Variants in IMMT observed in about 807,000 individuals in gnomAD.
IMMT encodes the protein inner membrane mitochondrial protein.
In IMMT, 40 loss-of-function variants were observed where a neutral mutation model predicts 92.7. The observed-to-expected ratio is 0.43, with a 90% CI of 0.34 to 0.56. The LOEUF is 0.56. Among genes scored for constraint, IMMT ranks in the 20% least tolerant of loss-of-function variants. The pLI is 0.03. For missense variants in IMMT, 831 were observed against 912.1 expected (o/e 0.91, Z 1.14); for synonymous variants, 322 against 336.1 (o/e 0.96, Z 0.46).
intron 7 of IMMT, among the ~76,000 whole-genome samples, chr2:86,162,867 T>C (rs1049280646): frequency 6.6e-6 from 1 of 152,044 alleles, no homozygotes; most frequent in African/African-American, 2.4e-5. Flanking sequence ...CTTGAAAATC[T>C]TAGGCAGATC....
chr2:86,162,377 C>A (rs1676355280), intron 7 of IMMT, among the ~76,000 whole-genome samples: 1 of 141,442 alleles, frequency 7.1e-6, no homozygotes, highest in Admixed American at 7.0e-5. Flanking sequence ...AAAGGATGTA[C>A]AAACCAAAAT....
chr2:86,179,493 G>C lies in IMMT; in HGVS notation c.249C>G (p.Asp83Glu). 6.2e-7 allele frequency: 1 copy of C among 1,613,322 alleles called. No homozygotes were observed. The highest frequency in any genetic ancestry group is 1.1e-5 in the South Asian group (1 of 90,936). Residue 83 changes from aspartate (D) to glutamate (E), a missense_variant, in exon 3 of 15, where the codon GAC (aspartate) becomes GAG (glutamate). Transcript: ENST00000410111. The stretch of plus-strand genomic sequence containing the variant: ...GACCAAGAACCATCTCGAAGAGTTT[G>C]TCTGAGTAAGGTATGGTTTTCTCTA... ...ESVEKTIPYSDKLFEMVLGPA... is the reference protein window; with the variant it reads ...ESVEKTIPYSEKLFEMVLGPA...
At chr2:86,153,480 T>C in intron 11 of IMMT, 80 bp downstream of exon 11, 1 of 717,930 alleles carries the variant, frequency 1.4e-6, no homozygotes, top group South Asian at 2.2e-5. Flanking sequence ...TGTGTAAGAA[T>C]CATAGGCACA....
chr2:86,148,489 G>A (rs1466865464), intron 12 of IMMT, among the ~76,000 whole-genome samples: 3 of 152,230 alleles, frequency 2.0e-5, no homozygotes, highest in Non-Finnish European at 2.9e-5. Flanking sequence ...GCGGGTGCCT[G>A]TAGTCCCAGC....
intron 7 of IMMT, 43 bp downstream of exon 7, chr2:86,166,465 A>G: frequency 1.9e-6 from 3 of 1,555,130 alleles, no homozygotes; most frequent in Non-Finnish European, 2.6e-6. Flanking sequence ...TTGTCCTCCA[A>G]GTCATGACAG....
chr2:86,163,959 C>CAA (rs70953998), intron 7 of IMMT, among the ~76,000 whole-genome samples: 1 of 91,930 alleles, frequency 1.1e-5, no homozygotes, highest in Non-Finnish European at 2.3e-5. Flanking sequence ...ACTCCATCTC[C>CAA]AAAAAAAAAG....
Position 86,144,092 on chromosome 2 carries a change from CACTG to C in IMMT, c.*172_*175del. ...TTGCAAAGAAAGCACTCCTGGCGTT[CACTG>C]ACATGATAGCAAATGGAAAGAATAT... is the stretch of plus-strand genomic sequence containing the variant. On this transcript the variant is annotated 3_prime_UTR_variant, in exon 15 of 15. Coordinates refer to ENST00000410111, the MANE Select transcript of IMMT (RefSeq NM_006839.3). 4 of 713,788 alleles carry C rather than the reference CACTG, an allele frequency of 5.6e-6. No homozygotes were observed. In the South Asian group the frequency reaches 7.8e-5, roughly 14 times the overall value. 44.2% of individuals were successfully genotyped at this position (713,788 alleles called of 1,614,324 possible). A position where few individuals can be genotyped will look rare whatever the true frequency, so the allele number is the denominator to read the frequency against.
At chr2:86,174,350 T>C (rs1315808049) in intron 3 of IMMT, among the ~76,000 whole-genome samples, 1 of 152,234 alleles carries the variant, frequency 6.6e-6, no homozygotes, top group Non-Finnish European at 1.5e-5. Context: ...TTTATTTTTA[T>C]TTCCACTTAT....
intron 3 of IMMT, among the ~76,000 whole-genome samples, chr2:86,174,445 C>T (rs1027064447): frequency 9.2e-5 from 14 of 152,212 alleles, no homozygotes; most frequent in African/African-American, 9.7e-5. Flanking sequence ...TGGTTCTGAA[C>T]TTAGTCACTA....
chr2:86,148,730 CA>C (rs1008044298), intron 12 of IMMT, among the ~76,000 whole-genome samples: 8 of 151,218 alleles, frequency 5.3e-5, no homozygotes, highest in Admixed American at 3.3e-4. Flanking sequence ...CAACATGGGC[CA>C]AAAAAAACCA....
In IMMT at chr2:86,195,372, G is replaced by A. The variant is rs544313627; in HGVS notation, c.11C>T (p.Ala4Val). The A allele has an allele frequency of 8.8e-5, 136 of 1,549,504 alleles. No individual in the cohort carries two copies. The highest frequency in any genetic ancestry group is 2.4e-4 in the Admixed American group (12 of 51,052). Residue 4 changes from alanine to valine, a missense_variant, in exon 1 of 15, where the codon GCC (alanine) becomes GTC (valine). Ala to Val is a moderately conservative substitution (Grantham distance 64, BLOSUM62 0). Transcript: ENST00000410111. MLR[A>V]CQLSGVTAAA... ...GGCGGTCACACCCGATAACTGACAG[G>A]CCCGCAGCATCTCGGTCAAGCGGAC...
chr2:86,174,909 A>G (rs933310992), intron 3 of IMMT, among the ~76,000 whole-genome samples: 4 of 152,208 alleles, frequency 2.6e-5, no homozygotes, highest in Non-Finnish European at 1.5e-5. Flanking sequence ...CAAAGCAATG[A>G]ACATCCATCC....
chr2:86,144,234 A>G lies in IMMT; in HGVS notation c.*34T>C, dbSNP rs776319715. Reference sequence around the variant, plus strand: ...TCTATCACTGCTGATTTCCTTTGACATGAAATATGACTTTATGAAAATCTT... The same window carrying G: ...TCTATCACTGCTGATTTCCTTTGACGTGAAATATGACTTTATGAAAATCTT... On this transcript the variant is annotated 3_prime_UTR_variant, in exon 15 of 15. Transcript: ENST00000410111. 7 of 1,607,448 alleles carry G rather than the reference A, an allele frequency of 4.4e-6. No homozygotes were observed. The highest frequency in any genetic ancestry group is 3.3e-5 in the South Asian group (3 of 90,682).
intron 12 of IMMT, among the ~76,000 whole-genome samples, chr2:86,148,577 A>G (rs561397463): frequency 1.3e-5 from 2 of 152,314 alleles, no homozygotes; most frequent in Non-Finnish European, 1.5e-5. Context: ...GCGCTGCTGC[A>G]CTCCAGCCTG....
At chr2:86,188,391 GCA>G (rs1421972912) in intron 1 of IMMT, among the ~76,000 whole-genome samples, 1 of 151,246 alleles carries the variant, frequency 6.6e-6, no homozygotes, top group East Asian at 2.0e-4. Flanking sequence ...ACACATACAC[GCA>G]CACACGCGCA....
At chr2:86,192,243 C>T (rs1673180593) in intron 1 of IMMT, among the ~76,000 whole-genome samples, 1 of 152,166 alleles carries the variant, frequency 6.6e-6, no homozygotes, top group South Asian at 2.1e-4. Flanking sequence ...TACACACACA[C>T]ACACACCCTT....
In IMMT at chr2:86,159,699, TA is replaced by T. The variant is rs755919422; in HGVS notation, c.897-29del. 8 of 1,516,362 alleles carry T rather than the reference TA, an allele frequency of 5.3e-6. No individual in the cohort carries two copies. The East Asian group carries it at 1.6e-4, about 30-fold the overall frequency. 93.9% of individuals were successfully genotyped at this position (1,516,362 alleles called of 1,614,324 possible). On this transcript the variant is annotated intron_variant, in intron 8 of 14. Coordinates refer to ENST00000410111, the MANE Select transcript of IMMT (RefSeq NM_006839.3). ...GGAAACCAACAAAACAAAGATTTAA[TA>T]TAACTTCTTGTCAACTGTATTAAAA...
intron 4 of IMMT, 84 bp downstream of exon 4, chr2:86,173,566 G>A (rs1677243475): frequency 2.5e-6 from 2 of 808,802 alleles, no homozygotes; most frequent in Admixed American, 4.5e-5. Context: ...GGCAACAAGA[G>A]CGAAACTCCA....
intron 7 of IMMT, among the ~76,000 whole-genome samples, chr2:86,164,011 G>A (rs1387244200): frequency 3.5e-5 from 5 of 144,268 alleles, no homozygotes; most frequent in East Asian, 4.0e-4. Context: ...CTTATGATGC[G>A]AAAAATAAAG....
Sources: gnomAD v4.1 joint callset for allele counts (sites outside exome capture counted in the v4.1 genomes callset) on GRCh38, gnomAD v4.1.1 for gene constraint, MANE v1.5 for transcripts, NCBI Gene and HGNC (gene_info 2026-07-23, HGNC 2026-07-21) for gene names.